B3GALT1: variants seen among roughly 807,000 people sequenced by gnomAD.
B3GALT1 encodes beta-1,3-galactosyltransferase 1.
A neutral mutation model predicts 23.2 loss-of-function variants in B3GALT1; 10 were observed. The observed-to-expected ratio is 0.43, with a 90% CI of 0.27 to 0.73. The LOEUF (loss-of-function observed/expected upper bound fraction) is 0.73. Among genes scored for constraint, B3GALT1 ranks in the 30% least tolerant of loss-of-function variants. The probability of loss-of-function intolerance (pLI) is 0.21; values close to 1 mark genes in which losing one functional copy is unlikely to be tolerated. For synonymous variants in B3GALT1, 156 were observed against 141.5 expected, an observed-to-expected ratio of 1.10 and a Z score of -0.73; for missense variants, 299 against 405.4, an observed-to-expected ratio of 0.74 and a Z score of 2.25.
intron 2 of B3GALT1, among the ~76,000 whole-genome samples, chr2:167,517,041 G>A (rs1700109909): frequency 6.6e-6 from 1 of 151,654 alleles, no homozygotes; most frequent in Admixed American, 6.6e-5. Flanking sequence ...CTGGTTTGTT[G>A]TGAGCTTTTC....
intron 3 of B3GALT1, among the ~76,000 whole-genome samples, chr2:167,718,028 T>G (rs1215717517): frequency 6.6e-6 from 1 of 152,162 alleles, no homozygotes; most frequent in East Asian, 1.9e-4. Context: ...TTTGTCCAGT[T>G]AGGGGGAGGT....
chr2:167,671,752 G>C (rs1686329262), intron 3 of B3GALT1, among the ~76,000 whole-genome samples: 1 of 151,532 alleles, frequency 6.6e-6, no homozygotes, highest in African/African-American at 2.4e-5. Context: ...AATAGACTTA[G>C]CACAAAGTAA....
chr2:167,576,518 CTGTTTTTTTTTT>C (rs570883740), intron 2 of B3GALT1, among the ~76,000 whole-genome samples: 293 of 105,316 alleles, frequency 2.8e-3, no homozygotes, highest in African/African-American at 4.5e-3. Flanking sequence ...TTTTGTTTTT[CTGTTTTTTTTTT>C]TGTTTTTTTT....
chr2:167,414,287 C>A (rs1391897589), intron 1 of B3GALT1, among the ~76,000 whole-genome samples: 2 of 152,104 alleles, frequency 1.3e-5, no homozygotes, highest in Admixed American at 6.6e-5. Flanking sequence ...AACTTTGAAT[C>A]AGGAAAACTT....
rs531678100 is a variant in B3GALT1, at chr2:167,432,038, G to T, written c.-510-58139G>T. 4.9e-4 allele frequency among the ~76,000 whole-genome samples: 74 copies of T among 152,286 alleles called. 1 individual carries two copies. The highest frequency in any genetic ancestry group is 1.8e-3 in the African/African-American group (73 of 41,572). On this transcript the variant is annotated intron_variant, in intron 1 of 4. Transcript: ENST00000392690. The stretch of plus-strand genomic sequence containing the variant: ...GAGAAGGATAGTCCTATAGGAGTAT[G>T]CAGTAGATACCCTGGGGGACATAAG...
intron 3 of B3GALT1, among the ~76,000 whole-genome samples, chr2:167,653,464 A>G (rs1299484608): frequency 6.6e-6 from 1 of 152,156 alleles, no homozygotes; most frequent in African/African-American, 2.4e-5. Context: ...GCTTCACTCC[A>G]AGCATCTGAG....
intron 1 of B3GALT1, among the ~76,000 whole-genome samples, chr2:167,337,162 A>G (rs190928590): frequency 6.6e-6 from 1 of 152,280 alleles, no homozygotes; most frequent in African/African-American, 2.4e-5. Context: ...TTGTTCTTCA[A>G]TTTTAACTGA....
chr2:167,797,694 T>C (rs1194483674), intron 3 of B3GALT1, among the ~76,000 whole-genome samples: 1 of 151,134 alleles, frequency 6.6e-6, no homozygotes, highest in African/African-American at 2.5e-5. Context: ...ATGTATCTCA[T>C]TGTGGATTTT....
intron 1 of B3GALT1, among the ~76,000 whole-genome samples, chr2:167,323,770 C>T (rs1376311930): frequency 6.6e-6 from 1 of 150,706 alleles, no homozygotes; most frequent in African/African-American, 2.4e-5. Context: ...TTATATTTAT[C>T]CTATTGAATT....
chr2:167,804,784 C>T lies in B3GALT1; in HGVS notation c.-351-13888C>T, dbSNP rs960696820. ...CTATTGTGAATAGTGCCGCAATAAA[C>T]ATATGTGTGCATGTGTCTTTATAGC... On this transcript the variant is annotated intron_variant, in intron 3 of 4. Transcript: ENST00000392690. Among the ~76,000 whole-genome samples, 4 of 151,812 alleles carry T rather than the reference C, an allele frequency of 2.6e-5. No individual in the cohort carries two copies. In the South Asian group the frequency reaches 6.3e-4, roughly 24 times the overall value.
At chr2:167,597,946 C>T (rs1232570656) in intron 2 of B3GALT1, among the ~76,000 whole-genome samples, 2 of 152,092 alleles carry the variant, frequency 1.3e-5, no homozygotes, top group Non-Finnish European at 2.9e-5. Context: ...ATAAATTAAA[C>T]CATAGATAGA....
At chr2:167,314,587 C>T (rs571615410) in intron 1 of B3GALT1, among the ~76,000 whole-genome samples, 58 of 152,192 alleles carry the variant, frequency 3.8e-4, no homozygotes, top group African/African-American at 1.3e-3. Context: ...AACTGTGAAT[C>T]GTCATTTATT....
intron 2 of B3GALT1, among the ~76,000 whole-genome samples, chr2:167,511,367 T>G (rs1021836080): frequency 6.6e-6 from 1 of 152,128 alleles, no homozygotes; most frequent in Non-Finnish European, 1.5e-5. Flanking sequence ...TCTCAGGAGA[T>G]CTGATGGTTT....
intron 1 of B3GALT1, among the ~76,000 whole-genome samples, chr2:167,341,136 G>A (rs946792031): frequency 2.2e-4 from 33 of 152,232 alleles, no homozygotes; most frequent in Admixed American, 1.3e-3. Flanking sequence ...CTGAGTCACA[G>A]ATTAAAATTA....
intron 2 of B3GALT1, among the ~76,000 whole-genome samples, chr2:167,551,038 ATGG>A (rs1278189093): frequency 1.5e-5 from 2 of 135,294 alleles, no homozygotes; most frequent in African/African-American, 7.3e-5. Context: ...ATGAGAAAAG[ATGG>A]TGGTGATGTC....
chr2:167,518,965 A>G (rs541295636), intron 2 of B3GALT1, among the ~76,000 whole-genome samples: 6 of 152,330 alleles, frequency 3.9e-5, no homozygotes, highest in East Asian at 3.9e-4. Flanking sequence ...TTCAAAGGCC[A>G]TAATTTGGAT....
At chr2:167,804,201 G>A (rs1366927134) in intron 3 of B3GALT1, among the ~76,000 whole-genome samples, 2 of 152,080 alleles carry the variant, frequency 1.3e-5, no homozygotes, top group African/African-American at 2.4e-5. Flanking sequence ...CGTTGCCCAG[G>A]CTGGTCTCAA....
At chr2:167,867,014 C>T (rs1350844318) in intron 4 of B3GALT1, among the ~76,000 whole-genome samples, 1 of 152,100 alleles carries the variant, frequency 6.6e-6, no homozygotes, top group Non-Finnish European at 1.5e-5. Flanking sequence ...GCAAGCTCCA[C>T]CTCCTGGATT....
At chr2:167,462,559 ATC>A (rs1243621903) in intron 1 of B3GALT1, among the ~76,000 whole-genome samples, 1 of 152,160 alleles carries the variant, frequency 6.6e-6, no homozygotes. Flanking sequence ...TGGCAGCTGT[ATC>A]CATCTTTATC....
Sources: allele counts gnomAD v4.1 joint callset (sites outside exome capture counted in the v4.1 genomes callset), GRCh38; gene constraint gnomAD v4.1.1; transcripts MANE v1.5; gene names NCBI Gene and HGNC (gene_info 2026-07-23, HGNC 2026-07-21).